The following PTGER3 variants were observed in gnomAD, a reference collection of about 807,000 sequenced individuals.
PTGER3 encodes the protein prostaglandin E receptor 3.
PTGER3 carries 22 observed loss-of-function variants against 34.7 expected under a neutral mutation model. The ratio of observed to expected loss-of-function variants is 0.63; its 90% CI spans 0.45 to 0.91. The LOEUF is 0.91. Among genes scored for constraint, PTGER3 ranks in the 40% least tolerant of loss-of-function variants. PTGER3 has a pLI of 0.00. For synonymous variants in PTGER3, 241 were observed against 230.1 expected, an observed-to-expected ratio of 1.05 and a Z score of -0.43; for missense variants, 468 against 519.4, an observed-to-expected ratio of 0.90 and a Z score of 0.96.
intron 4 of PTGER3, among the ~76,000 whole-genome samples, chr1:70,870,600 G>A (rs1646141228): frequency 6.6e-6 from 1 of 152,076 alleles, no homozygotes; most frequent in Admixed American, 6.5e-5. Flanking sequence ...TCTTTGCTCT[G>A]GTATCTGAAC....
At chr1:70,857,095 T>C (rs1331700314) in intron 4 of PTGER3, among the ~76,000 whole-genome samples, 2 of 152,264 alleles carry the variant, frequency 1.3e-5, no homozygotes, top group African/African-American at 4.8e-5. Flanking sequence ...CTTTGACTAC[T>C]AAACTAAATG....
chr1:70,912,088 A>AT (rs1423689019), intron 4 of PTGER3, among the ~76,000 whole-genome samples: 2 of 152,128 alleles, frequency 1.3e-5, no homozygotes, highest in African/African-American at 4.8e-5. Context: ...GTGGACCTGC[A>AT]TGGCCATGGA....
At chr1:71,043,807 G>T (rs939660046) in intron 1 of PTGER3, among the ~76,000 whole-genome samples, 166 of 146,036 alleles carry the variant, frequency 1.1e-3, no homozygotes, top group Admixed American at 2.6e-3. Flanking sequence ...GATATTTGGA[G>T]TTTTTTTTTT....
chr1:70,936,151 C>T (rs1423916460), intron 4 of PTGER3, among the ~76,000 whole-genome samples: 1 of 152,116 alleles, frequency 6.6e-6, no homozygotes, highest in Non-Finnish European at 1.5e-5. Context: ...AAAGTGTGGT[C>T]CTTGGATCAG....
chr1:70,864,490 A>G (rs1645998082), intron 4 of PTGER3, among the ~76,000 whole-genome samples: 1 of 152,204 alleles, frequency 6.6e-6, no homozygotes, highest in Non-Finnish European at 1.5e-5. Context: ...GAAAATCAGC[A>G]TGACTCAGGG....
At chr1:70,981,367 CTTTCTTTCTTTCTTTCTTTCT>C (rs1654310172) in intron 2 of PTGER3, among the ~76,000 whole-genome samples, 8 of 99,282 alleles carry the variant, frequency 8.1e-5, no homozygotes, top group Middle Eastern at 4.6e-3. Context: ...TTCTTTCTTT[CTTTCTTTCTTTCTTTCTTTCT>C]TTCTTTCCTT....
intron 2 of PTGER3, among the ~76,000 whole-genome samples, chr1:70,977,369 T>C (rs796180474): frequency 6.6e-6 from 1 of 152,200 alleles, no homozygotes; most frequent in African/African-American, 2.4e-5. Flanking sequence ...CTGAACACTA[T>C]GCTAGTTTGT....
At chr1:71,011,399 G>A (rs1657430389) in intron 2 of PTGER3, 1 of 984,926 alleles carries the variant, frequency 1.0e-6, no homozygotes, top group South Asian at 4.7e-5. Context: ...AATAATCAAG[G>A]GAAATATATA....
intron 2 of PTGER3, chr1:71,010,006 T>C: frequency 2.0e-6 from 2 of 985,232 alleles, no homozygotes; most frequent in African/African-American, 3.5e-5. Flanking sequence ...GCCATTTACA[T>C]AATTTCTTTG....
intron 4 of PTGER3, among the ~76,000 whole-genome samples, chr1:70,933,052 A>T (rs1300780939): frequency 6.6e-6 from 1 of 152,100 alleles, no homozygotes; most frequent in Non-Finnish European, 1.5e-5. Flanking sequence ...ATAATTATTT[A>T]ATTATATACC....
intron 2 of PTGER3, among the ~76,000 whole-genome samples, chr1:70,991,483 A>G (rs1185892468): frequency 6.6e-6 from 1 of 152,290 alleles, no homozygotes; most frequent in Non-Finnish European, 1.5e-5. Flanking sequence ...GTGGAGTGAG[A>G]CAGGGAGGGA....
At chr1:70,888,703 A>G (rs375198212) in intron 4 of PTGER3, among the ~76,000 whole-genome samples, 74 of 152,272 alleles carry the variant, frequency 4.9e-4, no homozygotes, top group African/African-American at 1.7e-3. Context: ...AGATGTGAAA[A>G]AAAGCACAAT....
At chr1:70,891,961 C>T (rs1646627158) in intron 4 of PTGER3, among the ~76,000 whole-genome samples, 1 of 152,248 alleles carries the variant, frequency 6.6e-6, no homozygotes, top group South Asian at 2.1e-4. Context: ...GAAACAAAAT[C>T]TTTACTATGA....
downstream of PTGER3, among the ~76,000 whole-genome samples, chr1:70,967,408 T>C (rs1451404191): frequency 6.6e-6 from 1 of 152,124 alleles, no homozygotes; most frequent in African/African-American, 2.4e-5. Flanking sequence ...TACAATGTGG[T>C]TGAGATTTAA....
At chr1:70,946,238 A>G (rs988263256) in intron 4 of PTGER3, among the ~76,000 whole-genome samples, 1 of 152,070 alleles carries the variant, frequency 6.6e-6, no homozygotes, top group Non-Finnish European at 1.5e-5. Flanking sequence ...TCCTTTATTT[A>G]TCATACACTT....
At chr1:71,025,750 G>A (rs940051771) in intron 1 of PTGER3, among the ~76,000 whole-genome samples, 4 of 152,190 alleles carry the variant, frequency 2.6e-5, no homozygotes, top group African/African-American at 7.2e-5. Flanking sequence ...AGCCCCAAGA[G>A]GAGAGAAAGT....
chr1:71,012,216 C>A, intron 2 of PTGER3, 89 bp downstream of exon 2: 1 of 1,608,342 alleles, frequency 6.2e-7, no homozygotes, highest in South Asian at 1.1e-5. Context: ...TGTTTTCTTT[C>A]ATGCTTCTGT....
intron 4 of PTGER3, among the ~76,000 whole-genome samples, chr1:70,885,961 T>C (rs1316888149): frequency 6.6e-6 from 1 of 152,200 alleles, no homozygotes; most frequent in African/African-American, 2.4e-5. Flanking sequence ...GGAATGACCC[T>C]AAGTACTTTT....
At chr1:70,876,830 C>T (rs1192334571) in intron 4 of PTGER3, among the ~76,000 whole-genome samples, 1 of 152,156 alleles carries the variant, frequency 6.6e-6, no homozygotes, top group Non-Finnish European at 1.5e-5. Flanking sequence ...GTTTTTGTAT[C>T]AGCACCCTGC....
Sources: allele counts gnomAD v4.1 joint callset (sites outside exome capture counted in the v4.1 genomes callset), GRCh38; gene constraint gnomAD v4.1.1; transcripts MANE v1.5; gene names NCBI Gene and HGNC (gene_info 2026-07-23, HGNC 2026-07-21).